WSCD2: variants seen among roughly 807,000 people sequenced by gnomAD.
WSCD2 encodes the protein WSC domain sialate O sulfotransferase 2, also known as sialate:O-sulfotransferase 2.
Under a neutral mutation model 55.7 loss-of-function variants are expected in WSCD2, and 28 were observed. The ratio of observed to expected loss-of-function variants is 0.50; its 90% CI spans 0.37 to 0.69. The LOEUF (loss-of-function observed/expected upper bound fraction) is 0.69. WSCD2 is among the 30% of genes least tolerant of loss of function. The pLI, the probability that WSCD2 is intolerant of heterozygous loss-of-function variation, is 0.00. For missense variants in WSCD2, 616 were observed against 762.1 expected, an observed-to-expected ratio of 0.81 and a Z score of 2.26; for synonymous variants, 301 against 301.9, an observed-to-expected ratio of 1.00 and a Z score of 0.03.
At chr12:108,160,888 G>C (rs753192996) in intron 1 of WSCD2, among the ~76,000 whole-genome samples, 1 of 152,206 alleles carries the variant, frequency 6.6e-6, no homozygotes, top group African/African-American at 2.4e-5. Flanking sequence ...TGACATTGAC[G>C]AGCTTTGCAA....
chr12:108,143,119 G>A (rs903813774), intron 1 of WSCD2, among the ~76,000 whole-genome samples: 4 of 152,184 alleles, frequency 2.6e-5, no homozygotes, highest in South Asian at 2.1e-4. Flanking sequence ...CAGCCTCTCC[G>A]TCATGCTTCA....
At chr12:108,245,735 G>A (rs1319855151) in intron 8 of WSCD2, among the ~76,000 whole-genome samples, 3 of 152,172 alleles carry the variant, frequency 2.0e-5, no homozygotes, top group African/African-American at 7.2e-5. Context: ...TCTGAAAAAG[G>A]AAAACAGAGC....
rs763389595 is a variant in WSCD2, at chr12:108,144,999, A to T, written c.-552+15073A>T. On this transcript the variant is annotated intron_variant, in intron 1 of 8. Transcript: ENST00000547525. ...TTGCATTTCAAGGGAACCGGTTTAC[A>T]TTTGCACTGGCTGCATCCATGAGCA... Among the ~76,000 whole-genome samples the T allele has an allele frequency of 3.3e-4, 50 of 152,272 alleles. No individual in the cohort carries two copies. The Middle Eastern group carries it at 0.014, about 41-fold the overall frequency.
intron 2 of WSCD2, among the ~76,000 whole-genome samples, chr12:108,203,340 TCTC>T (rs1290790433): frequency 6.6e-6 from 1 of 152,192 alleles, no homozygotes; most frequent in African/African-American, 2.4e-5. Context: ...GCTAGTTTGT[TCTC>T]CTACACAGAT....
chr12:108,226,896 T>C, intron 5 of WSCD2, 94 bp from the exon 6 acceptor site: 1 of 1,400,192 alleles, frequency 7.1e-7, no homozygotes, highest in Non-Finnish European at 9.6e-7. Flanking sequence ...GAGAAGACAG[T>C]GGTTGAAATG....
In WSCD2 at chr12:108,210,544, T is replaced by C. The variant is rs901175337; in HGVS notation, c.682+239T>C. Among the ~76,000 whole-genome samples, 1 of 152,224 alleles carries C rather than the reference T, an allele frequency of 6.6e-6. No individual in the cohort carries two copies. The highest frequency in any genetic ancestry group is 1.5e-5 in the Non-Finnish European group (1 of 68,042). ...CCACTGAGCTGCGTCTGGTTCCAGCTGTATCCCTCATTCTCACCAGTCTTC... is the reference window on the plus strand; with the variant it reads ...CCACTGAGCTGCGTCTGGTTCCAGCCGTATCCCTCATTCTCACCAGTCTTC... On this transcript the variant is annotated intron_variant, in intron 4 of 8. Transcript: ENST00000547525. This position sits in a 1 kb window ranked among gnomAD's most constrained non-coding sequence, Gnocchi z 4.3.
At position 108,248,657 on chromosome 12, in the gene WSCD2, G is replaced by A. The variant is rs1566003844; in HGVS notation, c.*314G>A. On this transcript the variant is annotated 3_prime_UTR_variant, in exon 9 of 9. Coordinates refer to ENST00000547525, the MANE Select transcript of WSCD2 (RefSeq NM_014653.4). The surrounding 1 kb of genome is among the most constrained non-coding windows in gnomAD (Gnocchi z 4.3). ...ACCACTCTGGGTTCCATTTGTGGGA[G>A]GGAGGGCTCATCCACATCATGGAGA... is the stretch of plus-strand genomic sequence containing the variant. The A allele has an allele frequency of 2.7e-6, 3 of 1,101,670 alleles. No individual in the cohort carries two copies. Among genetic ancestry groups the A allele is most frequent in the South Asian group, 3.4e-5 (1 of 29,628 alleles). The allele number at this position is 1,101,670 out of a possible 1,614,324, so 68.2% of individuals were successfully genotyped here.
intron 2 of WSCD2, among the ~76,000 whole-genome samples, chr12:108,205,951 T>C (rs534590550): frequency 3.9e-5 from 6 of 152,318 alleles, no homozygotes; most frequent in African/African-American, 1.4e-4. Context: ...TGTTAAGCCT[T>C]TTAGAGCTGT....
At chr12:108,223,586 C>T (rs1887760149) in intron 4 of WSCD2, among the ~76,000 whole-genome samples, 1 of 152,208 alleles carries the variant, frequency 6.6e-6, no homozygotes, top group East Asian at 1.9e-4. Flanking sequence ...CTGCAATGAA[C>T]ATCCCTATTG....
chr12:108,175,056 G>A (rs942680853), intron 1 of WSCD2, among the ~76,000 whole-genome samples: 2 of 152,148 alleles, frequency 1.3e-5, no homozygotes, highest in South Asian at 4.1e-4. Flanking sequence ...ACCCTGAGCC[G>A]AGCATGCATC....
rs571992624 is a variant in WSCD2 at position 108,145,707 on chromosome 12, A to G, written c.-552+15781A>G. Among the ~76,000 whole-genome samples the G allele has an allele frequency of 2.0e-5, 3 of 152,344 alleles. No individual in the cohort carries two copies. In the East Asian group the frequency reaches 5.8e-4, roughly 29 times the overall value. ...TTTATAATACTCATAACTGTGAAAA[A>G]CAGGAACTGCTGAAATGTCCATTAT... is the stretch of plus-strand genomic sequence containing the variant. On this transcript the variant is annotated intron_variant, in intron 1 of 8. Coordinates refer to ENST00000547525, the MANE Select transcript of WSCD2 (RefSeq NM_014653.4).
rs975803049 is a variant in WSCD2, at chr12:108,244,568, A to C, written c.1346-3423A>C. ...AAATCTTATTTCGCTCGATTTGCAC[A>C]GCATCTGTAGGAGGTAGGTCTTATC... On this transcript the variant is annotated intron_variant, in intron 8 of 8. Coordinates refer to ENST00000547525, the MANE Select transcript of WSCD2 (RefSeq NM_014653.4). 5.7e-6 allele frequency: 4 copies of C among 702,760 alleles called. No homozygotes were observed. The African/African-American group carries it at 7.0e-5, about 12-fold the overall frequency. 43.5% of individuals were successfully genotyped at this position (702,760 alleles called of 1,614,324 possible). A position where few individuals can be genotyped will look rare whatever the true frequency, so the allele number is the denominator to read the frequency against.
chr12:108,170,796 G>T (rs1428605971), intron 1 of WSCD2, among the ~76,000 whole-genome samples: 1 of 152,230 alleles, frequency 6.6e-6, no homozygotes, highest in Non-Finnish European at 1.5e-5. Context: ...TGATTTTACA[G>T]AATGGTAGGC....
At chr12:108,212,676 T>C (rs1473468679) in intron 4 of WSCD2, among the ~76,000 whole-genome samples, 1 of 151,966 alleles carries the variant, frequency 6.6e-6, no homozygotes, top group African/African-American at 2.4e-5. Context: ...CCTTGTATTA[T>C]ATAATAACAC....
intron 4 of WSCD2, among the ~76,000 whole-genome samples, chr12:108,223,513 C>T (rs756385208): frequency 6.6e-6 from 1 of 152,182 alleles, no homozygotes; most frequent in African/African-American, 2.4e-5. Context: ...ATTATTGGCA[C>T]AATTATCTCA....
At chr12:108,216,474 C>G (rs1426360) in intron 4 of WSCD2, among the ~76,000 whole-genome samples, 32,674 of 152,134 alleles carry the variant, frequency 0.21, 3,699 homozygotes, top group African/African-American at 0.28. Flanking sequence ...AGACTATGAG[C>G]TGTGAAAAGC....
intron 1 of WSCD2, among the ~76,000 whole-genome samples, chr12:108,173,810 C>CTCTCTCTCTCTGTGTGTGTGTGTGTG (rs376999073): frequency 7.6e-6 from 1 of 131,144 alleles, no homozygotes; most frequent in African/African-American, 3.1e-5. Context: ...TCCTGGCTCT[C>CTCTCTCTCTCTGTGTGTGTGTGTGTG]TGTGTGTGTG....
rs115982670 is a variant in WSCD2 at position 108,150,172 on chromosome 12, A to T, written c.-552+20246A>T. ...TAGATGGGAAAACTGAGGCTCTGAG[A>T]GGTGCGGGGGTTTGCGCTACGTCAT... On this transcript the variant is annotated intron_variant, in intron 1 of 8. Coordinates refer to ENST00000547525, the MANE Select transcript of WSCD2 (RefSeq NM_014653.4). Among the ~76,000 whole-genome samples the T allele has an allele frequency of 7.4e-3, 1,128 of 152,190 alleles. 15 individuals carry two copies. The highest frequency in any genetic ancestry group is 0.026 in the African/African-American group (1,088 of 41,510).
chr12:108,206,345 T>G lies in WSCD2; in HGVS notation c.439T>G (p.Ser147Ala). 3 of 1,614,166 alleles carry G rather than the reference T, an allele frequency of 1.9e-6. No homozygotes were observed. Among genetic ancestry groups the G allele is most frequent in the Non-Finnish European group, 2.5e-6 (3 of 1,180,034 alleles). The change falls in exon 3 of 9, where the codon TCC becomes GCC. Residue 147 changes from serine (S) to alanine (A), a missense_variant. Around this residue, in one of 3 missense-constraint regions of WSCD2, gnomAD observed 374 missense variants for 467.4 expected, o/e 0.80. Transcript: ENST00000547525. Reference sequence around the variant, plus strand: ...CCAGAGTCGGGCCCTTCGAGGAGTGTCCTTTTTTGACTACAAAAAGATGAC... The same window carrying G: ...CCAGAGTCGGGCCCTTCGAGGAGTGGCCTTTTTTGACTACAAAAAGATGAC... ...DTQSRALRGV[S>A]FFDYKKMTIF... is the part of the protein sequence containing the mutation.
Sources: allele counts gnomAD v4.1 joint callset (sites outside exome capture counted in the v4.1 genomes callset), GRCh38; gene constraint gnomAD v4.1.1; regional missense constraint gnomAD v4.1.1; non-coding constraint Gnocchi (gnomAD v3.1); transcripts MANE v1.5; gene names NCBI Gene and HGNC (gene_info 2026-07-23, HGNC 2026-07-21).